Variants in CHPF observed in about 807,000 individuals in gnomAD.
CHPF encodes the protein chondroitin polymerizing factor, non-catalytic subunit.
A neutral mutation model predicts 55.1 loss-of-function variants in CHPF; 34 were observed. The observed-to-expected ratio is 0.62, with a 90% confidence interval of 0.47 to 0.82. The LOEUF (loss-of-function observed/expected upper bound fraction) is 0.82. Ranked by LOEUF, CHPF falls within the 40% of genes least tolerant of loss-of-function variation. CHPF has a pLI of 0.00. For missense variants in CHPF, 961 were observed against 1,106.1 expected, an observed-to-expected ratio of 0.87 and a Z score of 1.86; for synonymous variants, 489 against 496.6, an observed-to-expected ratio of 0.98 and a Z score of 0.20.
Position 219,542,020 on chromosome 2 carries a change from C to G in CHPF, c.484G>C (p.Gly162Arg), listed in dbSNP as rs1249488630. ...TCGCCTAGCGTCACCACTGCCATGC[C>G]AGGTGGGGCCCGGCGGCCCCGTGCG... The part of the protein sequence containing the change: ...TGARGRRAPP[G>R]MAVVTLGEER... The change falls in exon 2 of 4, where the codon GGC becomes CGC. Residue 162 changes from glycine (G) to arginine (R), a missense_variant. Gly to Arg is a moderately radical substitution (Grantham distance 125, BLOSUM62 -2). This residue lies in a region of CHPF where 936 missense variants were observed against 1,058.4 expected (regional missense o/e 0.88). Transcript: ENST00000243776. 6.3e-7 allele frequency: 1 copy of G among 1,597,824 alleles called. No homozygotes were observed. Among genetic ancestry groups the G allele is most frequent in the Admixed American group, 1.7e-5 (1 of 58,226 alleles).
chr2:219,541,725 C>T lies in CHPF; in HGVS notation c.779G>A (p.Arg260His). ...LLSRMLLQQL[R>H]PHLEGCRNDI... ...GTTGCGGCAGCCTTCCAGGTGGGGG[C>T]GCAGTTGTTGCAGCAGCATGCGCGA... The change falls in exon 2 of 4, where the codon CGC becomes CAC. Residue 260 changes from arginine (R) to histidine (H), a missense_variant. By Grantham distance (29) the Arg-to-His change is conservative (BLOSUM62 0). Around this residue, in one of 3 missense-constraint regions of CHPF, gnomAD observed 936 missense variants for 1,058.4 expected, o/e 0.88. Transcript: ENST00000243776. 1 of 1,611,102 alleles carries T rather than the reference C, an allele frequency of 6.2e-7. No individual in the cohort carries two copies. Among genetic ancestry groups the T allele is most frequent in the Non-Finnish European group, 8.5e-7 (1 of 1,178,810 alleles).
intron 1 of CHPF, 155 bp downstream of exon 1, chr2:219,543,070 T>C (rs1035307536): frequency 2.9e-5 from 40 of 1,360,884 alleles, no homozygotes; most frequent in Non-Finnish European, 3.8e-5. Flanking sequence ...GCCCCACGGC[T>C]CTCGGGAAGG....
At position 219,543,680 on chromosome 2, in the gene CHPF, C is replaced by T. The variant is rs2105989663; in HGVS notation, c.-142G>A. The stretch of plus-strand genomic sequence containing the variant: ...CCCGCTCCCTCCCCGCAGAGCAGAG[C>T]CAGCGGCCCGAGCCGAATCCCCGGA... On this transcript the variant is annotated 5_prime_UTR_variant, in exon 1 of 4. Coordinates refer to ENST00000243776, the MANE Select transcript of CHPF (RefSeq NM_024536.6). 1 of 540,324 alleles carries T rather than the reference C, an allele frequency of 1.9e-6. No homozygotes were observed. The allele number at this position is 540,324 out of a possible 1,614,324, so 33.5% of individuals were successfully genotyped here.
chr2:219,541,392 T>C, intron 2 of CHPF: 1 of 553,866 alleles, frequency 1.8e-6, no homozygotes, highest in Non-Finnish European at 3.1e-6. Flanking sequence ...GGCTCCCTGA[T>C]TTTTTCTAAT....
In CHPF at chr2:219,539,091, G is replaced by T; in HGVS notation, c.*292C>A. The T allele has an allele frequency of 2.7e-6, 1 of 370,450 alleles. No individual in the cohort carries two copies. 22.9% of individuals were successfully genotyped at this position (370,450 alleles called of 1,614,324 possible). A position where few individuals can be genotyped will look rare whatever the true frequency, so the allele number is the denominator to read the frequency against. On this transcript the variant is annotated 3_prime_UTR_variant, in exon 4 of 4. Transcript: ENST00000243776. The stretch of plus-strand genomic sequence containing the variant: ...CCAGCCCCCAGGGCCCAGAGGCAGG[G>T]CTGGCGTCAGGCAGACTGTACTGCA...
chr2:219,541,367 G>T, intron 2 of CHPF: 1 of 544,906 alleles, frequency 1.8e-6, no homozygotes, highest in Non-Finnish European at 3.1e-6. Flanking sequence ...AACATCAAAT[G>T]CCTATTATGT....
Position 219,539,277 on chromosome 2 carries a change from CTGGCTACGG to C in CHPF, c.*97_*105del. 1 of 1,167,516 alleles carries C rather than the reference CTGGCTACGG, an allele frequency of 8.6e-7. No homozygotes were observed. The highest frequency in any genetic ancestry group is 1.2e-6 in the Non-Finnish European group (1 of 844,616). The allele number at this position is 1,167,516 out of a possible 1,614,324, so 72.3% of individuals were successfully genotyped here. A position where few individuals can be genotyped will look rare whatever the true frequency, so the allele number is the denominator to read the frequency against. On this transcript the variant is annotated 3_prime_UTR_variant, in exon 4 of 4. Transcript: ENST00000243776. ...GGGGACCAGTGGGCCAGCTTGGGGT[CTGGCTACGG>C]CCAGCCCTGCCCAGCGAGGCTGGCA...
chr2:219,540,350 C>T lies in CHPF; in HGVS notation c.1361G>A (p.Arg454His). ...TTCCATACCCCGGGCCGGATCAAAG[C>T]GTCGGTAGCCATTCACCAGCTGCTG... ...QKQQLVNGYR[R>H]FDPARGMEYT... The change falls in exon 4 of 4, where the codon CGC (arginine) becomes CAC (histidine). Residue 454 changes from arginine (R) to histidine (H), a missense_variant. By Grantham distance (29) the Arg-to-His change is conservative. Around this residue, in one of 3 missense-constraint regions of CHPF, gnomAD observed 936 missense variants for 1,058.4 expected, o/e 0.88. Coordinates refer to ENST00000243776, the MANE Select transcript of CHPF (RefSeq NM_024536.6). 24 of 1,613,994 alleles carry T rather than the reference C, an allele frequency of 1.5e-5. No individual in the cohort carries two copies. Among genetic ancestry groups the T allele is most frequent in the Middle Eastern group, 1.6e-4 (1 of 6,062 alleles).
Position 219,539,707 on chromosome 2 carries a change from G to A in CHPF, c.2004C>T (p.Arg668=), listed in dbSNP as rs1480970442. ...CCTCGCTGGCTGCCTGGCGATCAAA[G>A]CGGCCAGTGTCACGGCCCAGCTCTG... ...GPPELGRDTG[R]FDRQAASEAC... The change falls in exon 4 of 4, where the codon CGC becomes CGT. Residue 668 remains arginine (R), a synonymous_variant. Transcript: ENST00000243776. The A allele has an allele frequency of 1.2e-6, 2 of 1,613,456 alleles. No homozygotes were observed. Among genetic ancestry groups the A allele is most frequent in the African/African-American group, 2.7e-5 (2 of 75,074 alleles).
At chr2:219,540,818 G>C in intron 3 of CHPF, 128 bp downstream of exon 3, 1 of 1,347,204 alleles carries the variant, frequency 7.4e-7, no homozygotes, top group Non-Finnish European at 1.0e-6. Flanking sequence ...AGAGAATGTA[G>C]AAACAGGCAG....
At position 219,540,965 on chromosome 2, in the gene CHPF, T is replaced by C. The variant is rs1012293261; in HGVS notation, c.1049A>G (p.Gln350Arg). 16 of 1,613,936 alleles carry C rather than the reference T, an allele frequency of 9.9e-6. No individual in the cohort carries two copies. The highest frequency in any genetic ancestry group is 1.4e-5 in the Non-Finnish European group (16 of 1,179,938). ...CCATACCTGTAACTCCTGGATCTCC[T>C]GGTACGTGCGTTCCAGTTCAGCTCG... ...FARAELERTY[Q>R]EIQELQWEIQ... Residue 350 changes from glutamine to arginine, a missense_variant, in exon 3 of 4, where the codon CAG (glutamine) becomes CGG (arginine). This residue lies in a region of CHPF where 936 missense variants were observed against 1,058.4 expected (regional missense o/e 0.88). Coordinates refer to ENST00000243776, the MANE Select transcript of CHPF (RefSeq NM_024536.6).
rs1695201484 is a variant in CHPF, at chr2:219,539,021, T to C, written c.*362A>G. The C allele has an allele frequency of 1.3e-5, 3 of 223,972 alleles. No homozygotes were observed. The highest frequency in any genetic ancestry group is 1.8e-5 in the Non-Finnish European group (2 of 113,946). 13.9% of individuals were successfully genotyped at this position (223,972 alleles called of 1,614,324 possible). A position where few individuals can be genotyped will look rare whatever the true frequency, so the allele number is the denominator to read the frequency against. Reference sequence around the variant, plus strand: ...GGTCCAAAAGGGAGAAGTTGGGAGATGCCCCCTCCTCAGCTCCCTCCTTCC... The same window carrying C: ...GGTCCAAAAGGGAGAAGTTGGGAGACGCCCCCTCCTCAGCTCCCTCCTTCC... On this transcript the variant is annotated 3_prime_UTR_variant, in exon 4 of 4. Coordinates refer to ENST00000243776, the MANE Select transcript of CHPF (RefSeq NM_024536.6).
At position 219,543,718 on chromosome 2, in the gene CHPF, T is replaced by C; in HGVS notation, c.-180A>G. 1 of 437,464 alleles carries C rather than the reference T, an allele frequency of 2.3e-6. No individual in the cohort carries two copies. The highest frequency in any genetic ancestry group is 3.9e-6 in the Non-Finnish European group (1 of 254,742). 27.1% of individuals were successfully genotyped at this position (437,464 alleles called of 1,614,324 possible). A position where few individuals can be genotyped will look rare whatever the true frequency, so the allele number is the denominator to read the frequency against. On this transcript the variant is annotated 5_prime_UTR_variant, in exon 1 of 4. Coordinates refer to ENST00000243776, the MANE Select transcript of CHPF (RefSeq NM_024536.6). ...CCGAATCCCCGGAGCCGCGCCTCGA[T>C]TCCCCTCCAGCAGCTGCTCTGGGCT... is the stretch of plus-strand genomic sequence containing the variant.
Position 219,543,309 on chromosome 2 carries a change from C to T in CHPF, c.230G>A (p.Gly77Asp), listed in dbSNP as rs1249656049. The change falls in exon 1 of 4, where the codon GGC becomes GAC. Residue 77 changes from glycine (G) to aspartate (D), a missense_variant. This residue lies in a region of CHPF where 936 missense variants were observed against 1,058.4 expected (regional missense o/e 0.88). Transcript: ENST00000243776. ...CTCCCAATTCTCCCCGGCGCCTTCGCCGGCCCCGGGCTTCTCGCGCTCCGC... is the reference window on the plus strand; with the variant it reads ...CTCCCAATTCTCCCCGGCGCCTTCGTCGGCCCCGGGCTTCTCGCGCTCCGC... ...PGAEREKPGAGEGAGENWEPR... is the reference protein window; with the variant it reads ...PGAEREKPGADEGAGENWEPR... 6.4e-7 allele frequency: 1 copy of T among 1,573,006 alleles called. No individual in the cohort carries two copies. Among genetic ancestry groups the T allele is most frequent in the East Asian group, 2.4e-5 (1 of 41,626 alleles).
chr2:219,543,331 C>T lies in CHPF; in HGVS notation c.208G>A (p.Glu70Lys). The change falls in exon 1 of 4, where the codon GAG becomes AAG. Residue 70 changes from glutamate to lysine, a missense_variant. By Grantham distance (56) the Glu-to-Lys change is moderately conservative (BLOSUM62 1). Around this residue, in one of 3 missense-constraint regions of CHPF, gnomAD observed 936 missense variants for 1,058.4 expected, o/e 0.88. Transcript: ENST00000243776. ...TCGCCGGCCCCGGGCTTCTCGCGCTCCGCTCCGGGCTGCACCGAGTTGGGC... is the reference window on the plus strand; with the variant it reads ...TCGCCGGCCCCGGGCTTCTCGCGCTTCGCTCCGGGCTGCACCGAGTTGGGC... ...RRPNSVQPGA[E>K]REKPGAGEGA... The T allele has an allele frequency of 6.4e-7, 1 of 1,570,532 alleles. No individual in the cohort carries two copies. Among genetic ancestry groups the T allele is most frequent in the Admixed American group, 1.8e-5 (1 of 56,922 alleles).
chr2:219,539,887 G>C lies in CHPF; in HGVS notation c.1824C>G (p.Asp608Glu), dbSNP rs1559122766. Residue 608 changes from aspartate (D) to glutamate (E), a missense_variant, in exon 4 of 4, where the codon GAC becomes GAG. Around this residue, in one of 3 missense-constraint regions of CHPF, gnomAD observed 936 missense variants for 1,058.4 expected, o/e 0.88. Transcript: ENST00000243776. ...CTGGCCCGGCCAGCAGGAACAGTGT[G>C]TCCAGCGGGTGCTTCTTGGAGAGTA... ...MDLLSKKHPLDTLFLLAGPDT... is the reference protein window; with the variant it reads ...MDLLSKKHPLETLFLLAGPDT... The C allele has an allele frequency of 6.2e-7, 1 of 1,613,684 alleles. No homozygotes were observed. The highest frequency in any genetic ancestry group is 8.5e-7 in the Non-Finnish European group (1 of 1,179,968).
chr2:219,541,582 A>G, intron 2 of CHPF, 34 bp downstream of exon 2: 4 of 1,488,404 alleles, frequency 2.7e-6, no homozygotes, highest in Non-Finnish European at 3.6e-6. Context: ...TGAACATGAC[A>G]AGGAGGTATC....
At chr2:219,542,806 C>T (rs1695305022) in intron 1 of CHPF, 6 of 576,218 alleles carry the variant, frequency 1.0e-5, no homozygotes, top group Admixed American at 6.1e-5. Context: ...GTACATTCCT[C>T]CCTCCCCCAT....
chr2:219,542,899 C>T, intron 1 of CHPF: 3 of 1,139,392 alleles, frequency 2.6e-6, no homozygotes, highest in Non-Finnish European at 3.2e-6. Context: ...CTTCCCCTGT[C>T]TCTATACACT....
Sources: allele counts gnomAD v4.1 joint callset, GRCh38; gene constraint gnomAD v4.1.1; regional missense constraint gnomAD v4.1.1; transcripts MANE v1.5; gene names NCBI Gene and HGNC (gene_info 2026-07-23, HGNC 2026-07-21).